ASCC3: variants seen among roughly 807,000 people sequenced by gnomAD.
The protein encoded by ASCC3 is activating signal cointegrator 1 complex subunit 3, also known as ASC-1 complex subunit P200.
A neutral mutation model predicts 256.3 loss-of-function variants in ASCC3; 158 were observed. The observed-to-expected ratio is 0.62, with a 90% CI of 0.54 to 0.70. ASCC3 has a LOEUF of 0.70. ASCC3 is among the 30% of genes least tolerant of loss of function. The pLI is 0.00. For missense variants in ASCC3, 2,259 were observed against 2,626.0 expected, an observed-to-expected ratio of 0.86 and a Z score of 3.05; for synonymous variants, 948 against 883.4, an observed-to-expected ratio of 1.07 and a Z score of -1.30.
At chr6:100,863,266 G>T (rs374221431) in intron 3 of ASCC3, among the ~76,000 whole-genome samples, 1 of 152,042 alleles carries the variant, frequency 6.6e-6, no homozygotes, top group Non-Finnish European at 1.5e-5. Context: ...ACCTGAGTTC[G>T]TATACAATAT....
chr6:100,510,526 C>T (rs940566672), intron 40 of ASCC3, among the ~76,000 whole-genome samples: 2 of 152,114 alleles, frequency 1.3e-5, no homozygotes, highest in Non-Finnish European at 2.9e-5. Context: ...AGAAAACAAA[C>T]AAACAAACAA....
At chr6:100,707,440 A>T (rs1283049269) in intron 13 of ASCC3, among the ~76,000 whole-genome samples, 1 of 152,104 alleles carries the variant, frequency 6.6e-6, no homozygotes, top group Non-Finnish European at 1.5e-5. Flanking sequence ...GACAAATACC[A>T]ACAGAAGCTA....
intron 34 of ASCC3, among the ~76,000 whole-genome samples, chr6:100,600,205 GCACACACACACACACA>G (rs56886686): frequency 6.9e-6 from 1 of 145,770 alleles, no homozygotes. Flanking sequence ...ACATGCACAT[GCACACACACACACACA>G]CACACACACA....
At chr6:100,781,149 A>G (rs11155661) in intron 8 of ASCC3, among the ~76,000 whole-genome samples, 52,774 of 152,068 alleles carry the variant, frequency 0.35, 10,797 homozygotes, top group Middle Eastern at 0.52. Context: ...ATAATTATCA[A>G]CTATGAACTG....
At chr6:100,715,240 C>A in intron 13 of ASCC3, 3 of 410,614 alleles carry the variant, frequency 7.3e-6, no homozygotes, top group Middle Eastern at 6.9e-4. Context: ...AAATGGCAAA[C>A]AAAATAGCAC....
rs569463236 is a variant in ASCC3 at position 100,862,274 on chromosome 6, C to G, written c.241+1790G>C. ...GTGTTATATTGCCCCTAGGCTTAAG[C>G]AAACTCAATTTTTACTAATGTCCTT... On this transcript the variant is annotated intron_variant, in intron 3 of 41. Transcript: ENST00000369162. Among the ~76,000 whole-genome samples, 293 of 152,260 alleles carry G rather than the reference C, an allele frequency of 1.9e-3. 1 individual carries two copies. The highest frequency in any genetic ancestry group is 3.2e-3 in the Non-Finnish European group (219 of 68,000).
intron 34 of ASCC3, among the ~76,000 whole-genome samples, chr6:100,599,073 AATG>A (rs1335165480): frequency 2.0e-5 from 3 of 152,198 alleles, no homozygotes; most frequent in African/African-American, 7.2e-5. Flanking sequence ...GTTAAAGTGA[AATG>A]ATGGTGGGAA....
intron 3 of ASCC3, among the ~76,000 whole-genome samples, chr6:100,862,435 C>T (rs1467035122): frequency 6.6e-6 from 1 of 151,892 alleles, no homozygotes; most frequent in Non-Finnish European, 1.5e-5. Context: ...AAAAAGTTAA[C>T]ATATTTGGAA....
intron 4 of ASCC3, among the ~76,000 whole-genome samples, chr6:100,842,510 A>G (rs1772192148): frequency 6.6e-6 from 1 of 152,226 alleles, no homozygotes; most frequent in Non-Finnish European, 1.5e-5. Flanking sequence ...ATGCAAAAGT[A>G]TATATGGGAA....
chr6:100,795,322 T>C (rs1461404343), intron 8 of ASCC3, among the ~76,000 whole-genome samples: 2 of 143,598 alleles, frequency 1.4e-5, no homozygotes, highest in Non-Finnish European at 3.1e-5. Flanking sequence ...GGATGAAAAA[T>C]AATAAGAGAA....
chr6:100,574,617 C>G (rs1770764946), intron 36 of ASCC3, among the ~76,000 whole-genome samples: 1 of 151,668 alleles, frequency 6.6e-6, no homozygotes, highest in Admixed American at 6.6e-5. Context: ...TATTTAATCA[C>G]CAACCTTTGG....
At chr6:100,539,681 T>C (rs1775346722) in intron 37 of ASCC3, among the ~76,000 whole-genome samples, 2 of 152,280 alleles carry the variant, frequency 1.3e-5, no homozygotes, top group South Asian at 4.2e-4. Context: ...AAATGTTACC[T>C]TACCAGTGAG....
intron 30 of ASCC3, among the ~76,000 whole-genome samples, chr6:100,614,908 A>G (rs1044934070): frequency 3.9e-5 from 6 of 152,184 alleles, no homozygotes; most frequent in African/African-American, 1.4e-4. Flanking sequence ...TTTCTTTTTT[A>G]AACTAAAATA....
chr6:100,872,989 C>G (rs1773822218), intron 1 of ASCC3, among the ~76,000 whole-genome samples: 2 of 152,016 alleles, frequency 1.3e-5, no homozygotes, highest in Admixed American at 6.6e-5. Flanking sequence ...TTTAACACCC[C>G]CCCCAAAAAA....
In ASCC3 at chr6:100,862,390, G is replaced by C. The variant is rs1312233885; in HGVS notation, c.241+1674C>G. On this transcript the variant is annotated intron_variant, in intron 3 of 41. Coordinates refer to ENST00000369162, the MANE Select transcript of ASCC3 (RefSeq NM_006828.4). ...GGACATTCAATTAAATATCATACTG[G>C]GTTACAGACCAATGATAGTTAAATG... 2.0e-5 allele frequency among the ~76,000 whole-genome samples: 3 copies of C among 151,868 alleles called. No individual in the cohort carries two copies. The East Asian group carries it at 5.8e-4, about 29-fold the overall frequency.
chr6:100,633,748 C>A (rs1284765215), intron 25 of ASCC3, among the ~76,000 whole-genome samples: 1 of 151,658 alleles, frequency 6.6e-6, no homozygotes, highest in South Asian at 2.1e-4. Flanking sequence ...GTGGCTCATG[C>A]CTGTAATCCC....
At chr6:100,871,043 T>C (rs1773714812) in intron 1 of ASCC3, among the ~76,000 whole-genome samples, 1 of 152,090 alleles carries the variant, frequency 6.6e-6, no homozygotes, top group African/African-American at 2.4e-5. Flanking sequence ...GATGATGCAG[T>C]AGGTCAAGGA....
In ASCC3 at chr6:100,799,580, C is replaced by G; in HGVS notation, c.1128-8G>C. 1 of 1,610,716 alleles carries G rather than the reference C, an allele frequency of 6.2e-7. No individual in the cohort carries two copies. On this transcript the variant is annotated splice_polypyrimidine_tract_variant and splice_region_variant and intron_variant, in intron 6 of 41. Coordinates refer to ENST00000369162, the MANE Select transcript of ASCC3 (RefSeq NM_006828.4). Reference sequence around the variant, plus strand: ...TTCAGAAGTGCCTGTTCTCTGTAAACATAAAAATAGGCCTAATTTGAAATG... The same window carrying G: ...TTCAGAAGTGCCTGTTCTCTGTAAAGATAAAAATAGGCCTAATTTGAAATG...
chr6:100,675,585 T>C (rs1425910587), intron 14 of ASCC3, among the ~76,000 whole-genome samples: 1 of 152,190 alleles, frequency 6.6e-6, no homozygotes, highest in Non-Finnish European at 1.5e-5. Context: ...ATCTACATAA[T>C]AAAAAGTCAG....
Sources: gnomAD v4.1 joint callset for allele counts (sites outside exome capture counted in the v4.1 genomes callset) on GRCh38, gnomAD v4.1.1 for gene constraint, MANE v1.5 for transcripts, NCBI Gene and HGNC (gene_info 2026-07-23, HGNC 2026-07-21) for gene names.